Variants in AKR1C8 observed in about 807,000 individuals in gnomAD.
AKR1C8 encodes aldo-keto reductase family 1 member C-like protein 1.
At chr10:5,116,851 C>T in the AKR1C8 span, among the ~76,000 whole-genome samples, 128,235 of 151,876 alleles carry the variant, frequency 0.84, 54,163 homozygotes, top group Middle Eastern at 0.91. Context: ...TTACAAAATA[C>T]AGTAATTCTT....
At chr10:5,163,156 C>A in the AKR1C8 span, 41 of 375,224 alleles carry the variant, frequency 1.1e-4, no homozygotes, top group Non-Finnish European at 1.6e-4. Flanking sequence ...CAGTGACAGA[C>A]CTGTACTCTG....
the AKR1C8 span, among the ~76,000 whole-genome samples, chr10:5,133,336 A>G: frequency 6.6e-6 from 1 of 152,058 alleles, no homozygotes; most frequent in Non-Finnish European, 1.5e-5. Flanking sequence ...CAAGGGATCC[A>G]CCTGCCTCTG....
the AKR1C8 span, among the ~76,000 whole-genome samples, chr10:5,143,313 T>C: frequency 6.6e-6 from 1 of 152,172 alleles, no homozygotes; most frequent in African/African-American, 2.4e-5. Flanking sequence ...TTTGAACTTG[T>C]TCACGAGTGC....
chr10:5,132,416 CACA>C, the AKR1C8 span, among the ~76,000 whole-genome samples: 1 of 152,164 alleles, frequency 6.6e-6, no homozygotes, highest in African/African-American at 2.4e-5. Flanking sequence ...CAAATTTGAA[CACA>C]ACAATGATGA....
the AKR1C8 span, chr10:5,185,044 C>T: frequency 1.9e-6 from 1 of 534,632 alleles, no homozygotes; most frequent in Non-Finnish European, 3.8e-6. Context: ...AATCCCAGCA[C>T]TGGCATGAAG....
the AKR1C8 span, among the ~76,000 whole-genome samples, chr10:5,166,588 T>G: frequency 6.6e-6 from 1 of 152,172 alleles, no homozygotes; most frequent in Non-Finnish European, 1.5e-5. Context: ...TAGCCATATG[T>G]AGAAAGCTGA....
chr10:5,179,133 T>C, the AKR1C8 span, among the ~76,000 whole-genome samples: 1 of 152,060 alleles, frequency 6.6e-6, no homozygotes, highest in South Asian at 2.1e-4. Context: ...TTCCTTTCCA[T>C]GTTTAGTGCT....
chr10:5,123,774 C>T, the AKR1C8 span: 22 of 1,613,360 alleles, frequency 1.4e-5, no homozygotes, highest in Non-Finnish European at 1.9e-5. Flanking sequence ...TTTTGACTTG[C>T]AGAAATCCAG....
the AKR1C8 span, chr10:5,154,289 C>T: frequency 1.5e-4 from 66 of 435,114 alleles, no homozygotes; most frequent in African/African-American, 1.2e-3. Flanking sequence ...ACCACCACGT[C>T]CCTACTTGTA....
chr10:5,161,905 C>A, the AKR1C8 span: 3 of 534,470 alleles, frequency 5.6e-6, no homozygotes, highest in Non-Finnish European at 1.2e-5. Context: ...ATAGTCCGGT[C>A]CAAGTTTCTT....
At chr10:5,118,800 C>T in the AKR1C8 span, among the ~76,000 whole-genome samples, 14 of 152,130 alleles carry the variant, frequency 9.2e-5, no homozygotes, top group East Asian at 1.9e-4. Context: ...GAAGTTTTCC[C>T]TTGGCCCCTA....
chr10:5,133,359 C>G, the AKR1C8 span, among the ~76,000 whole-genome samples: 1 of 152,124 alleles, frequency 6.6e-6, no homozygotes, highest in African/African-American at 2.4e-5. Context: ...GCCCAAAATG[C>G]TGCGATTACA....
chr10:5,184,307 A>G, the AKR1C8 span, among the ~76,000 whole-genome samples: 1 of 152,114 alleles, frequency 6.6e-6, no homozygotes, highest in Non-Finnish European at 1.5e-5. Context: ...TTTCACTCCA[A>G]CCTTACCCTT....
the AKR1C8 span, among the ~76,000 whole-genome samples, chr10:5,179,699 C>T: frequency 1.3e-5 from 2 of 151,680 alleles, no homozygotes; most frequent in South Asian, 2.1e-4. Context: ...CTCTAAACTT[C>T]CCTTCTCCCT....
At chr10:5,182,040 GATC>G in the AKR1C8 span, among the ~76,000 whole-genome samples, 3 of 152,102 alleles carry the variant, frequency 2.0e-5, no homozygotes, top group African/African-American at 7.2e-5. Context: ...AAAAATTACT[GATC>G]ATCATTTTGT....
the AKR1C8 span, among the ~76,000 whole-genome samples, chr10:5,126,207 T>G: frequency 2.6e-5 from 4 of 152,134 alleles, no homozygotes; most frequent in Admixed American, 2.6e-4. Context: ...GGGCTTCTCC[T>G]AAAGAAGCTC....
the AKR1C8 span, among the ~76,000 whole-genome samples, chr10:5,134,735 A>G: frequency 6.6e-6 from 1 of 152,188 alleles, no homozygotes; most frequent in African/African-American, 2.4e-5. Context: ...TGTTACCACA[A>G]AGATTTTGTT....
the AKR1C8 span, chr10:5,162,912 T>A: frequency 1.9e-6 from 1 of 534,702 alleles, no homozygotes; most frequent in Non-Finnish European, 3.8e-6. Context: ...TTCTCCCAAA[T>A]GGCCTGTCCA....
the AKR1C8 span, chr10:5,161,621 A>ATC: frequency 2.0e-6 from 1 of 512,724 alleles, no homozygotes; most frequent in Non-Finnish European, 4.0e-6. Context: ...AGGAAGTGAG[A>ATC]TCATTGAATC....
Sources: allele counts gnomAD v4.1 joint callset (sites outside exome capture counted in the v4.1 genomes callset), GRCh38; gene constraint gnomAD v4.1.1; transcripts MANE v1.5; gene names NCBI Gene and HGNC (gene_info 2026-07-23, HGNC 2026-07-21).